Variants in SLC35F1 observed in about 807,000 individuals in gnomAD.
The protein encoded by SLC35F1 is chromosome 6 open reading frame 169.
SLC35F1 carries 14 observed loss-of-function variants against 48.7 expected under a neutral mutation model. The ratio of observed to expected loss-of-function variants is 0.29; its 90% CI spans 0.19 to 0.45. SLC35F1 has a LOEUF of 0.45. SLC35F1 is among the 20% of genes least tolerant of loss of function. SLC35F1 has a pLI of 1.00. For missense variants in SLC35F1, 404 were observed against 500.0 expected, an observed-to-expected ratio of 0.81 and a Z score of 1.83; for synonymous variants, 190 against 202.2, an observed-to-expected ratio of 0.94 and a Z score of 0.51.
At position 118,316,869 on chromosome 6, in the gene SLC35F1, A is replaced by C. The variant is rs572856055; in HGVS notation, c.*2617A>C. The stretch of plus-strand genomic sequence containing the variant: ...TTTGTCTCCATTTAGAAAGGTTGAT[A>C]ATATATTGAATTGTTCAAGATCAGG... On this transcript the variant is annotated 3_prime_UTR_variant, in exon 8 of 8. Coordinates refer to ENST00000360388, the MANE Select transcript of SLC35F1 (RefSeq NM_001029858.4). 2 of 152,492 alleles carry C rather than the reference A, an allele frequency of 1.3e-5. No individual in the cohort carries two copies. The highest frequency in any genetic ancestry group is 3.9e-4 in the East Asian group (2 of 5,176). The allele number at this position is 152,492 out of a possible 1,614,324, so 9.4% of individuals were successfully genotyped here.
Position 118,314,683 on chromosome 6 carries a change from A to T in SLC35F1, c.*431A>T, listed in dbSNP as rs542307117. ...TTTCTATGGCAATTCACTTTTTAAG[A>T]GTCATACTTTATTTTTTTGCACAGA... On this transcript the variant is annotated 3_prime_UTR_variant, in exon 8 of 8. Transcript: ENST00000360388. 5.1e-6 allele frequency: 1 copy of T among 197,862 alleles called. No individual in the cohort carries two copies. Among genetic ancestry groups the T allele is most frequent in the Non-Finnish European group, 1.1e-5 (1 of 93,540 alleles). 12.3% of individuals were successfully genotyped at this position (197,862 alleles called of 1,614,324 possible). A position where few individuals can be genotyped will look rare whatever the true frequency, so the allele number is the denominator to read the frequency against.
rs541084711 is a variant in SLC35F1, at chr6:118,048,500, G to A, written c.174-105945G>A. 6.6e-5 allele frequency among the ~76,000 whole-genome samples: 10 copies of A among 152,226 alleles called. No individual in the cohort carries two copies. In the South Asian group the frequency reaches 1.5e-3, roughly 22 times the overall value. Reference sequence around the variant, plus strand: ...GCCCAAAATCTCCTTAAGCTGATAAGCAACTTCAGCAAAGTCGTAGGATAC... The same window carrying A: ...GCCCAAAATCTCCTTAAGCTGATAAACAACTTCAGCAAAGTCGTAGGATAC... On this transcript the variant is annotated intron_variant, in intron 1 of 7. Transcript: ENST00000360388.
At chr6:118,162,677 T>G (rs1774254613) in intron 2 of SLC35F1, among the ~76,000 whole-genome samples, 1 of 152,220 alleles carries the variant, frequency 6.6e-6, no homozygotes, top group Admixed American at 6.5e-5. Context: ...TATTAGGACA[T>G]GCTGGTAAAA....
At position 118,316,629 on chromosome 6, in the gene SLC35F1, G is replaced by C. The variant is rs1042096313; in HGVS notation, c.*2377G>C. 14 of 152,604 alleles carry C rather than the reference G, an allele frequency of 9.2e-5. No homozygotes were observed. Among genetic ancestry groups the C allele is most frequent in the African/African-American group, 3.4e-4 (14 of 41,432 alleles). 9.5% of individuals were successfully genotyped at this position (152,604 alleles called of 1,614,324 possible). On this transcript the variant is annotated 3_prime_UTR_variant, in exon 8 of 8. Coordinates refer to ENST00000360388, the MANE Select transcript of SLC35F1 (RefSeq NM_001029858.4). The stretch of plus-strand genomic sequence containing the variant: ...ATGAAATTATCTCCAAGTCCACTCA[G>C]TAGACTGGAGTTTTTTAAAAATATA...
chr6:118,306,171 T>C (rs1311942223), intron 7 of SLC35F1, among the ~76,000 whole-genome samples: 1 of 151,248 alleles, frequency 6.6e-6, no homozygotes, highest in Non-Finnish European at 1.5e-5. Context: ...GAGCCCAAAA[T>C]GGCCAGGTGG....
chr6:118,093,543 A>C (rs4587199), intron 1 of SLC35F1, among the ~76,000 whole-genome samples: 145,727 of 152,262 alleles, frequency 0.96, 70,093 homozygotes, highest in East Asian at 1. Flanking sequence ...TTATAAAGGG[A>C]ACTTCCGCTA....
At chr6:117,925,050 A>C (rs1032229130) in intron 1 of SLC35F1, among the ~76,000 whole-genome samples, 1 of 152,192 alleles carries the variant, frequency 6.6e-6, no homozygotes, top group African/African-American at 2.4e-5. Flanking sequence ...AAAGAGAAAA[A>C]CGTAATTGTG....
At chr6:118,073,181 A>G (rs1296732906) in intron 1 of SLC35F1, among the ~76,000 whole-genome samples, 1 of 152,192 alleles carries the variant, frequency 6.6e-6, no homozygotes, top group African/African-American at 2.4e-5. Context: ...ACTGTGAAAG[A>G]GTCAAATCCT....
At chr6:117,923,877 T>G (rs1056668042) in intron 1 of SLC35F1, among the ~76,000 whole-genome samples, 1 of 137,256 alleles carries the variant, frequency 7.3e-6, no homozygotes, top group Non-Finnish European at 1.6e-5. Context: ...CATATATACA[T>G]ATGTAGATAC....
chr6:118,200,794 G>A (rs1334430338), intron 2 of SLC35F1, among the ~76,000 whole-genome samples: 3 of 152,130 alleles, frequency 2.0e-5, no homozygotes, highest in African/African-American at 7.2e-5. Flanking sequence ...TAGTCATTCA[G>A]CACCCAAGAT....
At chr6:117,938,681 G>A (rs923037611) in intron 1 of SLC35F1, among the ~76,000 whole-genome samples, 1 of 152,216 alleles carries the variant, frequency 6.6e-6, no homozygotes, top group East Asian at 1.9e-4. Context: ...ATTCTCAGTG[G>A]TGAAGGGCCC....
Position 118,039,799 on chromosome 6 carries a change from G to GT in SLC35F1, c.174-114638dup, listed in dbSNP as rs149879230. Among the ~76,000 whole-genome samples the GT allele has an allele frequency of 2.1e-4, 22 of 106,854 alleles. 2 individuals are homozygous for GT. The highest frequency in any genetic ancestry group is 5.7e-4 in the East Asian group (2 of 3,496). 70.1% of individuals were successfully genotyped at this position (106,854 alleles called of 152,430 possible). The stretch of plus-strand genomic sequence containing the variant: ...TTTAACATCTAAGCATCTCAGGATT[G>GT]TTTTTTTTGTTTTTTTTTTTTGCTT... On this transcript the variant is annotated intron_variant, in intron 1 of 7. Transcript: ENST00000360388.
At chr6:118,081,477 T>TAAA (rs1772907479) in intron 1 of SLC35F1, among the ~76,000 whole-genome samples, 3 of 151,380 alleles carry the variant, frequency 2.0e-5, no homozygotes, top group Non-Finnish European at 2.9e-5. Flanking sequence ...CAAAAAATTT[T>TAAA]AAAAAAAAAT....
At chr6:118,292,044 G>A (rs1776130350) in intron 7 of SLC35F1, among the ~76,000 whole-genome samples, 1 of 152,128 alleles carries the variant, frequency 6.6e-6, no homozygotes, top group Non-Finnish European at 1.5e-5. Context: ...CTTGAACCCG[G>A]GAGGCAGAGT....
intron 7 of SLC35F1, among the ~76,000 whole-genome samples, chr6:118,299,596 C>T (rs866299662): frequency 1.3e-5 from 2 of 152,138 alleles, no homozygotes; most frequent in South Asian, 4.1e-4. Context: ...TAACTACTGT[C>T]ATTTCAAAGC....
chr6:118,262,352 A>G (rs921951958), intron 3 of SLC35F1, among the ~76,000 whole-genome samples: 2 of 152,140 alleles, frequency 1.3e-5, no homozygotes, highest in African/African-American at 4.8e-5. Context: ...AAGGCCACAG[A>G]GAAAGGCACA....
chr6:118,192,679 C>T (rs1390999554), intron 2 of SLC35F1, among the ~76,000 whole-genome samples: 1 of 152,090 alleles, frequency 6.6e-6, no homozygotes, highest in African/African-American at 2.4e-5. Context: ...AAATCCCATA[C>T]AATTTTGGAA....
intron 4 of SLC35F1, among the ~76,000 whole-genome samples, chr6:118,271,695 T>C (rs888147390): frequency 4.1e-4 from 63 of 152,322 alleles, no homozygotes; most frequent in African/African-American, 1.5e-3. Context: ...ATGATGTTTC[T>C]AGTACTTAAA....
intron 1 of SLC35F1, among the ~76,000 whole-genome samples, chr6:117,919,171 C>T (rs1188914349): frequency 6.6e-6 from 1 of 152,156 alleles, no homozygotes; most frequent in Non-Finnish European, 1.5e-5. Context: ...GTTGGAATTA[C>T]AGCCATGAGC....
Sources: gnomAD v4.1 joint callset for allele counts (sites outside exome capture counted in the v4.1 genomes callset) on GRCh38, gnomAD v4.1.1 for gene constraint, MANE v1.5 for transcripts, NCBI Gene and HGNC (gene_info 2026-07-23, HGNC 2026-07-21) for gene names.